DSCAM: variants seen among roughly 807,000 people sequenced by gnomAD.
The protein encoded by DSCAM is cell adhesion molecule DSCAM.
Under a neutral mutation model 217.7 loss-of-function variants are expected in DSCAM, and 47 were observed. The ratio of observed to expected loss-of-function variants is 0.22; its 90% confidence interval spans 0.17 to 0.28. The LOEUF is 0.28. DSCAM is among the 10% of genes least tolerant of loss of function. DSCAM has a pLI of 1.00. For missense variants in DSCAM, 2,080 were observed against 2,618.3 expected (o/e 0.79, Z 4.49); for synonymous variants, 1,056 against 1,015.3 (o/e 1.04, Z -0.76).
Position 40,713,061 on chromosome 21 carries a change from G to A in DSCAM, c.44-4290C>T, listed in dbSNP as rs117100751. 5.3e-5 allele frequency among the ~76,000 whole-genome samples: 8 copies of A among 152,312 alleles called. No homozygotes were observed. In the East Asian group the frequency reaches 7.7e-4, roughly 15 times the overall value. ...ATCAAAAGCTATTGTCAATCTGTGC[G>A]TCTCAAGAAGTGTCTTGTTCAACAA... On this transcript the variant is annotated intron_variant, in intron 1 of 32. Transcript: ENST00000400454.
At chr21:40,212,146 T>C (rs1323177513) in intron 11 of DSCAM, among the ~76,000 whole-genome samples, 2 of 151,996 alleles carry the variant, frequency 1.3e-5, no homozygotes, top group Non-Finnish European at 2.9e-5. Flanking sequence ...ATTTTTTTAT[T>C]TTTAGTAGAG....
chr21:40,613,062 T>C (rs1324021873), intron 3 of DSCAM, among the ~76,000 whole-genome samples: 1 of 152,178 alleles, frequency 6.6e-6, no homozygotes, highest in African/African-American at 2.4e-5. Context: ...AGATGGTGTG[T>C]AGTATGTGAT....
chr21:40,686,238 ACAC>A (rs2090475362), intron 3 of DSCAM, among the ~76,000 whole-genome samples: 1 of 150,154 alleles, frequency 6.7e-6, no homozygotes, highest in African/African-American at 2.5e-5. Flanking sequence ...CAGAGCTCAC[ACAC>A]CACACACAGC....
chr21:40,306,709 T>G (rs2074081223), intron 9 of DSCAM, among the ~76,000 whole-genome samples: 1 of 152,174 alleles, frequency 6.6e-6, no homozygotes, highest in Non-Finnish European at 1.5e-5. Flanking sequence ...ATCATGTGTT[T>G]TTTGTCTTTG....
chr21:40,523,102 A>G (rs2076372377), intron 3 of DSCAM, among the ~76,000 whole-genome samples: 1 of 152,128 alleles, frequency 6.6e-6, no homozygotes. Context: ...GCAGACACCT[A>G]GACACTTCAT....
chr21:40,622,384 T>C (rs2089532758), intron 3 of DSCAM, among the ~76,000 whole-genome samples: 1 of 152,166 alleles, frequency 6.6e-6, no homozygotes, highest in Non-Finnish European at 1.5e-5. Context: ...TTTACAAACC[T>C]ATAGTCTGTA....
At chr21:40,449,846 TTAATA>T (rs1433722619) in intron 3 of DSCAM, among the ~76,000 whole-genome samples, 2 of 152,234 alleles carry the variant, frequency 1.3e-5, no homozygotes, top group East Asian at 3.8e-4. Flanking sequence ...CACAATTACA[TTAATA>T]TATTTGATTT....
At position 40,442,668 on chromosome 21, in the gene DSCAM, C is replaced by T. The variant is rs550659219; in HGVS notation, c.509-73423G>A. Among the ~76,000 whole-genome samples, 22 of 151,952 alleles carry T rather than the reference C, an allele frequency of 1.4e-4. No homozygotes were observed. The East Asian group carries it at 1.8e-3, about 12-fold the overall frequency. On this transcript the variant is annotated intron_variant, in intron 3 of 32. Coordinates refer to ENST00000400454, the MANE Select transcript of DSCAM (RefSeq NM_001389.5). Reference sequence around the variant, plus strand: ...CTGAATAGCTGGGAGCACACCATCACGCTCGGCAAATTTTTGTATTTTCAG... The same window carrying T: ...CTGAATAGCTGGGAGCACACCATCATGCTCGGCAAATTTTTGTATTTTCAG...
intron 3 of DSCAM, among the ~76,000 whole-genome samples, chr21:40,456,543 G>A (rs778946259): frequency 3.5e-4 from 53 of 152,114 alleles, no homozygotes; most frequent in Non-Finnish European, 5.9e-4. Context: ...ATTAGCTAAT[G>A]AGAAAATGAG....
intron 4 of DSCAM, among the ~76,000 whole-genome samples, chr21:40,354,265 A>G (rs1446920693): frequency 6.6e-6 from 1 of 152,256 alleles, no homozygotes; most frequent in Non-Finnish European, 1.5e-5. Flanking sequence ...TGGATATCCC[A>G]AGTACACTGA....
At chr21:40,339,000 T>C (rs1248681815) in intron 7 of DSCAM, 119 bp downstream of exon 7, 5 of 1,276,722 alleles carry the variant, frequency 3.9e-6, no homozygotes, top group Non-Finnish European at 5.4e-6. Flanking sequence ...GGGTAGGAAA[T>C]GGGAAGCAAC....
intron 16 of DSCAM, among the ~76,000 whole-genome samples, chr21:40,166,029 G>A (rs1052854192): frequency 6.6e-6 from 1 of 152,138 alleles, no homozygotes; most frequent in African/African-American, 2.4e-5. Context: ...CATTGGCTGC[G>A]GTTGAGAAAC....
At chr21:40,045,728 T>C (rs952215610) in intron 30 of DSCAM, among the ~76,000 whole-genome samples, 20 of 152,222 alleles carry the variant, frequency 1.3e-4, no homozygotes, top group Non-Finnish European at 4.4e-5. Flanking sequence ...CAGTATGGTC[T>C]GGCCACTTCT....
At chr21:40,702,534 A>T (rs2090668001) in intron 2 of DSCAM, among the ~76,000 whole-genome samples, 1 of 152,128 alleles carries the variant, frequency 6.6e-6, no homozygotes, top group African/African-American at 2.4e-5. Flanking sequence ...GTGCCTTTGT[A>T]TTTAAAGAAT....
chr21:40,634,493 T>A (rs145801774), intron 3 of DSCAM, among the ~76,000 whole-genome samples: 1,733 of 152,312 alleles, frequency 0.011, 36 homozygotes, highest in African/African-American at 0.038. Context: ...GATTTATCCT[T>A]TTCCCTCATC....
At chr21:40,537,619 C>T (rs1355168587) in intron 3 of DSCAM, among the ~76,000 whole-genome samples, 1 of 152,036 alleles carries the variant, frequency 6.6e-6, no homozygotes, top group Non-Finnish European at 1.5e-5. Context: ...GTCCTTAATC[C>T]TATATGCCTG....
At chr21:40,428,968 C>A (rs1019958026) in intron 3 of DSCAM, among the ~76,000 whole-genome samples, 1 of 152,086 alleles carries the variant, frequency 6.6e-6, no homozygotes, top group African/African-American at 2.4e-5. Flanking sequence ...TAACCCCTTG[C>A]AGCATGGCAC....
At chr21:40,421,210 C>A (rs2075420746) in intron 3 of DSCAM, among the ~76,000 whole-genome samples, 1 of 152,172 alleles carries the variant, frequency 6.6e-6, no homozygotes, top group South Asian at 2.1e-4. Flanking sequence ...GCAGCTCAGG[C>A]CCATCACTGC....
Position 40,234,747 on chromosome 21 carries a change from G to A in DSCAM, c.2356+41350C>T, listed in dbSNP as rs183013394. On this transcript the variant is annotated intron_variant, in intron 11 of 32. Coordinates refer to ENST00000400454, the MANE Select transcript of DSCAM (RefSeq NM_001389.5). ...AGTTGCCAATTCTTTGGGTGGATAT[G>A]TTTCTTTTTTTCTTTTTTTGCTGAT... is the stretch of plus-strand genomic sequence containing the variant. Among the ~76,000 whole-genome samples, 262 of 152,192 alleles carry A rather than the reference G, an allele frequency of 1.7e-3. 7 individuals are homozygous for A. Among genetic ancestry groups the A allele is most frequent in the Non-Finnish European group, 5.4e-4 (37 of 68,000 alleles).
Sources: gnomAD v4.1 joint callset for allele counts (sites outside exome capture counted in the v4.1 genomes callset) on GRCh38, gnomAD v4.1.1 for gene constraint, MANE v1.5 for transcripts, NCBI Gene and HGNC (gene_info 2026-07-23, HGNC 2026-07-21) for gene names.